The following MALRD1 variants were observed in gnomAD, a reference collection of about 807,000 sequenced individuals.
MALRD1 encodes the protein MAM and LDL-receptor class A domain-containing protein 1.
A neutral mutation model predicts 242.1 loss-of-function variants in MALRD1; 247 were observed. The ratio of observed to expected loss-of-function variants is 1.02; its 90% confidence interval spans 0.92 to 1.13. The LOEUF (loss-of-function observed/expected upper bound fraction) is 1.13, where lower values mean the gene tolerates loss of function less well. Ranked by LOEUF, MALRD1 falls within the 50% of genes most tolerant of loss-of-function variation. The pLI, the probability that MALRD1 is intolerant of heterozygous loss-of-function variation, is 0.00. For synonymous variants in MALRD1, 995 were observed against 866.6 expected (o/e 1.15, Z -2.60); for missense variants, 2,989 against 2,533.1 (o/e 1.18, Z -3.86).
intron 23 of MALRD1, among the ~76,000 whole-genome samples, chr10:19,328,251 A>G (rs1588917372): frequency 6.6e-6 from 1 of 152,138 alleles, no homozygotes. Flanking sequence ...ATGTGCTGAA[A>G]TGTTTGGCAC....
intron 30 of MALRD1, among the ~76,000 whole-genome samples, chr10:19,494,481 T>C (rs1564389520): frequency 1.3e-5 from 2 of 152,080 alleles, no homozygotes; most frequent in Non-Finnish European, 1.5e-5. Flanking sequence ...TAGGAACAAA[T>C]ACTATTGAGA....
At chr10:19,623,180 A>G (rs1164680128) in intron 36 of MALRD1, among the ~76,000 whole-genome samples, 1 of 152,072 alleles carries the variant, frequency 6.6e-6, no homozygotes, top group African/African-American at 2.4e-5. Flanking sequence ...AACGTTTTTT[A>G]ATGACAAAAA....
intron 28 of MALRD1, among the ~76,000 whole-genome samples, chr10:19,429,210 T>C (rs1485583224): frequency 7.2e-5 from 11 of 152,172 alleles, no homozygotes; most frequent in Non-Finnish European, 2.9e-5. Context: ...CCAGAATAAA[T>C]TGAGTGACTT....
chr10:19,647,040 C>G (rs1227746269), intron 36 of MALRD1, among the ~76,000 whole-genome samples: 1 of 152,128 alleles, frequency 6.6e-6, no homozygotes, highest in Non-Finnish European at 1.5e-5. Flanking sequence ...AAAATGTCCT[C>G]AGGTGACCTA....
chr10:19,401,720 A>G (rs1016617080), intron 28 of MALRD1, among the ~76,000 whole-genome samples: 1 of 152,166 alleles, frequency 6.6e-6, no homozygotes, highest in Non-Finnish European at 1.5e-5. Context: ...AAGATCACAG[A>G]GAATAAAGCA....
intron 21 of MALRD1, among the ~76,000 whole-genome samples, chr10:19,287,516 T>A (rs1841182674): frequency 6.6e-6 from 1 of 152,146 alleles, no homozygotes; most frequent in Non-Finnish European, 1.5e-5. Flanking sequence ...TTTGTTTATA[T>A]TTTTATGTGA....
chr10:19,552,327 A>C (rs1302866448), intron 32 of MALRD1, among the ~76,000 whole-genome samples: 1 of 151,990 alleles, frequency 6.6e-6, no homozygotes, highest in Non-Finnish European at 1.5e-5. Context: ...GAAATTTATC[A>C]GTTTCTTCTA....
At chr10:19,131,645 A>AC (rs1833112877) in intron 8 of MALRD1, among the ~76,000 whole-genome samples, 1 of 152,140 alleles carries the variant, frequency 6.6e-6, no homozygotes, top group Non-Finnish European at 1.5e-5. Flanking sequence ...AAAGTAGTGA[A>AC]ACTCAACAAC....
Position 19,461,850 on chromosome 10 carries a change from T to G in MALRD1, c.5029+11360T>G, listed in dbSNP as rs539963900. Among the ~76,000 whole-genome samples the G allele has an allele frequency of 3.9e-5, 6 of 152,280 alleles. No individual in the cohort carries two copies. In the East Asian group the frequency reaches 9.7e-4, roughly 25 times the overall value. On this transcript the variant is annotated intron_variant, in intron 29 of 39. Transcript: ENST00000454679. ...CAGAAACTGTGTGTTTCAGCTCATCTATTTAATTTCCCTTTCTGTGGAACG... is the reference window on the plus strand; with the variant it reads ...CAGAAACTGTGTGTTTCAGCTCATCGATTTAATTTCCCTTTCTGTGGAACG...
chr10:19,125,336 T>C (rs1778787377), intron 7 of MALRD1, among the ~76,000 whole-genome samples: 2 of 80,652 alleles, frequency 2.5e-5, no homozygotes, highest in Admixed American at 2.5e-4. Context: ...TTTCTTTCTT[T>C]CTTTCTTTCT....
intron 32 of MALRD1, among the ~76,000 whole-genome samples, chr10:19,542,866 T>G (rs73595833): frequency 0.045 from 6,858 of 152,258 alleles, 501 homozygotes; most frequent in African/African-American, 0.16. Context: ...TCTTAGATTT[T>G]TATGTGTTGA....
chr10:19,312,593 T>A (rs2131994707), intron 21 of MALRD1, among the ~76,000 whole-genome samples: 1 of 151,246 alleles, frequency 6.6e-6, no homozygotes, highest in Non-Finnish European at 1.5e-5. Flanking sequence ...ACTTTTCCAG[T>A]TTTTTTCAGA....
At chr10:19,586,946 C>T (rs1050053038) in intron 33 of MALRD1, among the ~76,000 whole-genome samples, 4 of 152,222 alleles carry the variant, frequency 2.6e-5, no homozygotes, top group Admixed American at 6.5e-5. Context: ...TTTTTTAGGC[C>T]CGTCGGAAAA....
At chr10:19,559,901 A>C (rs1835889309) in intron 32 of MALRD1, among the ~76,000 whole-genome samples, 1 of 152,216 alleles carries the variant, frequency 6.6e-6, no homozygotes, top group African/African-American at 2.4e-5. Context: ...GCTCATCATC[A>C]CTGGTCATTA....
intron 18 of MALRD1, among the ~76,000 whole-genome samples, chr10:19,228,732 T>G (rs1172987704): frequency 6.6e-6 from 1 of 152,118 alleles, no homozygotes; most frequent in African/African-American, 2.4e-5. Context: ...ATGCTCTATA[T>G]TGGAGTCTCT....
At chr10:19,583,097 T>C (rs1364092020) in intron 33 of MALRD1, among the ~76,000 whole-genome samples, 2 of 95,866 alleles carry the variant, frequency 2.1e-5, no homozygotes, top group Non-Finnish European at 2.0e-5. Flanking sequence ...TTGCTGAAGT[T>C]GCTTATCAGC....
At chr10:19,542,530 T>A (rs560500875) in intron 32 of MALRD1, among the ~76,000 whole-genome samples, 52 of 152,162 alleles carry the variant, frequency 3.4e-4, no homozygotes, top group African/African-American at 1.1e-3. Flanking sequence ...TAGAATCTCC[T>A]GATGTTTTTT....
chr10:19,390,016 C>T (rs907915873), intron 28 of MALRD1, among the ~76,000 whole-genome samples: 9 of 152,090 alleles, frequency 5.9e-5, no homozygotes, highest in South Asian at 2.1e-4. Flanking sequence ...GAGAAGGCCC[C>T]CTGTTTTTCA....
chr10:19,315,085 G>GAAATATGTAAATATAATTTATAT (rs1842594647), intron 21 of MALRD1, among the ~76,000 whole-genome samples: 1 of 114,464 alleles, frequency 8.7e-6, no homozygotes, highest in African/African-American at 3.6e-5. Flanking sequence ...ATAATTTATA[G>GAAATATGTAAATATAATTTATAT]AAATATGTAA....
Sources: gnomAD v4.1 joint callset for allele counts (sites outside exome capture counted in the v4.1 genomes callset) on GRCh38, gnomAD v4.1.1 for gene constraint, MANE v1.5 for transcripts, NCBI Gene and HGNC (gene_info 2026-07-23, HGNC 2026-07-21) for gene names.